The following MACROD2 variants were observed in gnomAD, a reference collection of about 807,000 sequenced individuals.
MACROD2 encodes mono-ADP ribosylhydrolase 2.
A neutral mutation model predicts 70.4 loss-of-function variants in MACROD2; 36 were observed. The observed-to-expected ratio is 0.51, with a 90% confidence interval of 0.39 to 0.68. MACROD2 has a LOEUF of 0.68. Ranked by LOEUF, MACROD2 falls within the 30% of genes least tolerant of loss-of-function variation. The pLI is 0.00. For synonymous variants in MACROD2, 172 were observed against 178.8 expected (o/e 0.96, Z 0.30); for missense variants, 496 against 538.4 (o/e 0.92, Z 0.78).
intron 4 of MACROD2, among the ~76,000 whole-genome samples, chr20:14,644,608 C>G (rs573805087): frequency 1.3e-5 from 2 of 152,142 alleles, no homozygotes; most frequent in South Asian, 4.1e-4. Flanking sequence ...AGCCAAGGCT[C>G]CATTTTACTT....
intron 4 of MACROD2, among the ~76,000 whole-genome samples, chr20:14,598,839 G>A (rs1982305324): frequency 6.6e-6 from 1 of 151,960 alleles, no homozygotes; most frequent in African/African-American, 2.4e-5. Flanking sequence ...ACAAATCTTG[G>A]GCTAGATTCG....
At chr20:15,933,420 A>C in intron 11 of MACROD2, 82 bp downstream of exon 11, 1 of 1,318,582 alleles carries the variant, frequency 7.6e-7, no homozygotes, top group Non-Finnish European at 1.1e-6. Context: ...CTATTGTCTG[A>C]AAATGCTTAT....
chr20:15,407,248 CAG>C, intron 6 of MACROD2, among the ~76,000 whole-genome samples: 1 of 152,256 alleles, frequency 6.6e-6, no homozygotes, highest in Non-Finnish European at 1.5e-5. Context: ...GCCAGAAATG[CAG>C]AGTTAGCCAG....
chr20:15,047,201 G>T (rs545975014), intron 5 of MACROD2, among the ~76,000 whole-genome samples: 189 of 152,276 alleles, frequency 1.2e-3, no homozygotes, highest in African/African-American at 4.3e-3. Flanking sequence ...CGTGATTGAG[G>T]TTAAGAGCCT....
chr20:15,054,571 T>C (rs1295751429), intron 5 of MACROD2, among the ~76,000 whole-genome samples: 1 of 152,164 alleles, frequency 6.6e-6, no homozygotes, highest in Non-Finnish European at 1.5e-5. Context: ...TACAGTATAC[T>C]ACACACACAA....
At chr20:15,523,113 A>G (rs138095867) in intron 8 of MACROD2, among the ~76,000 whole-genome samples, 2,335 of 152,310 alleles carry the variant, frequency 0.015, 28 homozygotes, top group Non-Finnish European at 0.023. Flanking sequence ...AAAACCAGCC[A>G]TCTATGGCAG....
chr20:15,844,692 T>C (rs1254063157), intron 8 of MACROD2, among the ~76,000 whole-genome samples: 2 of 152,166 alleles, frequency 1.3e-5, no homozygotes, highest in Non-Finnish European at 2.9e-5. Flanking sequence ...GTACACATCC[T>C]GTGTCCTTCT....
At chr20:14,832,530 A>G (rs1331758862) in intron 5 of MACROD2, among the ~76,000 whole-genome samples, 2 of 152,064 alleles carry the variant, frequency 1.3e-5, no homozygotes, top group Non-Finnish European at 2.9e-5. Flanking sequence ...AGAAAGAGCC[A>G]CATTTGTTTT....
At chr20:15,710,482 G>A (rs1463835828) in intron 8 of MACROD2, among the ~76,000 whole-genome samples, 2 of 152,050 alleles carry the variant, frequency 1.3e-5, no homozygotes, top group Non-Finnish European at 2.9e-5. Flanking sequence ...TTTATCTACG[G>A]CATTTTTTGC....
chr20:14,959,169 T>G (rs952591650), intron 5 of MACROD2, among the ~76,000 whole-genome samples: 5 of 152,180 alleles, frequency 3.3e-5, no homozygotes, highest in Admixed American at 6.5e-5. Context: ...TTCGCTCTTG[T>G]TGCCCAGGCT....
chr20:15,953,585 T>TTG (rs747060812), intron 12 of MACROD2, among the ~76,000 whole-genome samples: 54 of 152,324 alleles, frequency 3.5e-4, no homozygotes, highest in Non-Finnish European at 6.2e-4. Context: ...CTTTTTTGAA[T>TTG]CTCAGCTAAT....
chr20:14,135,442 A>G (rs2054782321), intron 3 of MACROD2, among the ~76,000 whole-genome samples: 1 of 152,192 alleles, frequency 6.6e-6, no homozygotes, highest in Non-Finnish European at 1.5e-5. Flanking sequence ...TTCAGATAGG[A>G]GAATCACTTG....
At chr20:14,640,850 A>G (rs1985051564) in intron 4 of MACROD2, among the ~76,000 whole-genome samples, 1 of 152,230 alleles carries the variant, frequency 6.6e-6, no homozygotes, top group African/African-American at 2.4e-5. Flanking sequence ...TAATCTTTGC[A>G]GGTGGAGGCT....
At chr20:14,546,360 T>A (rs1360512880) in intron 4 of MACROD2, among the ~76,000 whole-genome samples, 1 of 152,086 alleles carries the variant, frequency 6.6e-6, no homozygotes, top group African/African-American at 2.4e-5. Flanking sequence ...GAAGAAAGAA[T>A]CCTCCAGGAG....
intron 6 of MACROD2, among the ~76,000 whole-genome samples, chr20:15,425,304 A>G (rs139048435): frequency 6.6e-5 from 10 of 152,314 alleles, no homozygotes; most frequent in Middle Eastern, 3.4e-3. Context: ...TATCTACATA[A>G]ATCAACAATA....
At chr20:15,133,320 T>G (rs553093539) in intron 5 of MACROD2, among the ~76,000 whole-genome samples, 2 of 152,196 alleles carry the variant, frequency 1.3e-5, no homozygotes, top group South Asian at 4.1e-4. Flanking sequence ...TTTTCTTAAT[T>G]TTTAAATCTC....
chr20:14,245,795 C>A (rs2122249396), intron 3 of MACROD2, among the ~76,000 whole-genome samples: 1 of 152,234 alleles, frequency 6.6e-6, no homozygotes, highest in Non-Finnish European at 1.5e-5. Context: ...CTAAAGCATG[C>A]AGACATACTT....
chr20:14,756,357 A>G (rs943657171), intron 5 of MACROD2, among the ~76,000 whole-genome samples: 1 of 151,824 alleles, frequency 6.6e-6, no homozygotes, highest in Non-Finnish European at 1.5e-5. Context: ...ATTTCATCTT[A>G]TTTTTCTCAC....
chr20:14,116,002 G>C (rs1439249643), intron 3 of MACROD2, among the ~76,000 whole-genome samples: 1 of 152,178 alleles, frequency 6.6e-6, no homozygotes, highest in Admixed American at 6.5e-5. Context: ...ACACCGACCA[G>C]ATTGCCCTGC....
Sources: allele counts gnomAD v4.1 joint callset (sites outside exome capture counted in the v4.1 genomes callset), GRCh38; gene constraint gnomAD v4.1.1; transcripts MANE v1.5; gene names NCBI Gene and HGNC (gene_info 2026-07-23, HGNC 2026-07-21).